B3GALNT2: variants seen among roughly 807,000 people sequenced by gnomAD.
B3GALNT2 encodes beta-1,3-N-acetylgalactosaminyltransferase 2.
Under a neutral mutation model 61.1 loss-of-function variants are expected in B3GALNT2, and 53 were observed. That is an observed-to-expected ratio of 0.87 (90% CI 0.70 to 1.09). The LOEUF is 1.09. Among genes scored for constraint, B3GALNT2 ranks in the 50% least tolerant of loss-of-function variants. B3GALNT2 has a pLI of 0.00. For synonymous variants in B3GALNT2, 223 were observed against 237.4 expected (o/e 0.94, Z 0.56); for missense variants, 544 against 623.0 (o/e 0.87, Z 1.35).
chr1:235,483,846 A>C (rs1684669468), intron 4 of B3GALNT2, among the ~76,000 whole-genome samples: 3 of 152,210 alleles, frequency 2.0e-5, no homozygotes, highest in Admixed American at 1.3e-4. Flanking sequence ...ATTTCCCTAC[A>C]TATCGGGAAT....
At chr1:235,488,629 AGCCAGTG>A (rs1684913728) in intron 3 of B3GALNT2, among the ~76,000 whole-genome samples, 1 of 33,140 alleles carries the variant, frequency 3.0e-5, no homozygotes, top group African/African-American at 1.7e-4. Context: ...GGTTGCAGTG[AGCCAGTG>A]AGCTGAGATA....
chr1:235,480,683 T>A (rs1373126031), intron 4 of B3GALNT2, among the ~76,000 whole-genome samples: 1 of 151,930 alleles, frequency 6.6e-6, no homozygotes, highest in Non-Finnish European at 1.5e-5. Flanking sequence ...GGCAGGCAGA[T>A]CACTTGAGGT....
At chr1:235,482,562 G>A (rs1254228588) in intron 4 of B3GALNT2, among the ~76,000 whole-genome samples, 4 of 151,496 alleles carry the variant, frequency 2.6e-5, no homozygotes, top group Middle Eastern at 3.4e-3. Flanking sequence ...CTGCAAGTGA[G>A]ACAATGTTTA....
intron 3 of B3GALNT2, among the ~76,000 whole-genome samples, chr1:235,488,149 T>C (rs1684892146): frequency 6.6e-6 from 1 of 152,194 alleles, no homozygotes; most frequent in African/African-American, 2.4e-5. Context: ...TTTACAGAAA[T>C]AAATTAGACA....
intron 10 of B3GALNT2, among the ~76,000 whole-genome samples, chr1:235,453,701 C>T (rs758343823): frequency 6.6e-6 from 1 of 152,094 alleles, no homozygotes; most frequent in East Asian, 1.9e-4. Flanking sequence ...CCTGCCTTGG[C>T]GTCCGAAAGT....
Position 235,504,172 on chromosome 1 carries a change from C to A in B3GALNT2, c.81G>T (p.Pro27=), listed in dbSNP as rs766891631. 307 of 1,297,592 alleles carry A rather than the reference C, an allele frequency of 2.4e-4. No homozygotes were observed. The highest frequency in any genetic ancestry group is 2.8e-4 in the Non-Finnish European group (285 of 1,028,572). The allele number at this position is 1,297,592 out of a possible 1,614,324, so 80.4% of individuals were successfully genotyped here. A position where few individuals can be genotyped will look rare whatever the true frequency, so the allele number is the denominator to read the frequency against. ...GGCCGGCCCCGGAGGCGCAGGCGGG[C>A]GGCGGGGAGCGCAGCCGCAGCCAGA... ...LHLWLRLRSP[P]PACASGAGPA... is the part of the protein sequence containing the mutation. The change falls in exon 1 of 12, where the codon CCG becomes CCT. Residue 27 remains proline, a synonymous_variant. Coordinates refer to ENST00000366600, the MANE Select transcript of B3GALNT2 (RefSeq NM_152490.5).
At chr1:235,456,335 A>T (rs763183723) in intron 8 of B3GALNT2, among the ~76,000 whole-genome samples, 3 of 152,240 alleles carry the variant, frequency 2.0e-5, no homozygotes, top group Admixed American at 1.3e-4. Flanking sequence ...TCACATTGAC[A>T]GTCCCTGTAC....
At chr1:235,493,772 T>C (rs1685186994) in intron 2 of B3GALNT2, among the ~76,000 whole-genome samples, 1 of 149,456 alleles carries the variant, frequency 6.7e-6, no homozygotes, top group South Asian at 2.1e-4. Flanking sequence ...CAAAACTCCA[T>C]CTCAAAAAAA....
intron 1 of B3GALNT2, chr1:235,496,426 T>TTGTC: frequency 1.6e-6 from 1 of 618,876 alleles, no homozygotes; most frequent in Non-Finnish European, 2.1e-6. Flanking sequence ...TTTAAATAAA[T>TTGTC]TCAAATTTTC....
At chr1:235,446,647 T>G (rs1416769051), downstream of B3GALNT2, among the ~76,000 whole-genome samples, 1 of 151,524 alleles carries the variant, frequency 6.6e-6, no homozygotes, top group African/African-American at 2.4e-5. Flanking sequence ...TGCTATTTAT[T>G]ACATAGAGAT....
intron 1 of B3GALNT2, among the ~76,000 whole-genome samples, chr1:235,497,952 C>CATGT (rs1685403564): frequency 6.6e-6 from 1 of 152,164 alleles, no homozygotes; most frequent in Non-Finnish European, 1.5e-5. Context: ...GCTTCTAATC[C>CATGT]ATGTCTAAGC....
downstream of B3GALNT2, among the ~76,000 whole-genome samples, chr1:235,443,133 T>G (rs1682010352): frequency 6.6e-6 from 1 of 151,754 alleles, no homozygotes; most frequent in African/African-American, 2.4e-5. Context: ...CTGAAAGCAG[T>G]TCTGTTAAAA....
In B3GALNT2 at chr1:235,474,066, T is replaced by A. The variant is rs568375433; in HGVS notation, c.652-3106A>T. 8.5e-5 allele frequency among the ~76,000 whole-genome samples: 13 copies of A among 152,356 alleles called. No homozygotes were observed. The South Asian group carries it at 2.7e-3, about 32-fold the overall frequency. On this transcript the variant is annotated intron_variant, in intron 5 of 11. Transcript: ENST00000366600. ...CATGGAACTTAAATAACCCATCAGC[T>A]GTTTTGTTACTAAGCAAGGAAGAAG...
intron 1 of B3GALNT2, among the ~76,000 whole-genome samples, chr1:235,501,313 G>T (rs1685571479): frequency 6.6e-6 from 1 of 152,042 alleles, no homozygotes. Context: ...CTGGTTTAAG[G>T]GAACCTATCA....
At chr1:235,469,541 C>A (rs1422818392) in intron 6 of B3GALNT2, among the ~76,000 whole-genome samples, 1 of 151,988 alleles carries the variant, frequency 6.6e-6, no homozygotes, top group East Asian at 1.9e-4. Flanking sequence ...AGTACTCAAT[C>A]TTATTTTCTA....
At chr1:235,463,334 T>G (rs1248598464) in intron 7 of B3GALNT2, 1 of 152,004 alleles carries the variant, frequency 6.6e-6, no homozygotes, top group East Asian at 1.9e-4. Context: ...AAGAACTTAT[T>G]CATGTAATCA....
intron 5 of B3GALNT2, chr1:235,479,232 G>C (rs952565403): frequency 6.6e-6 from 1 of 152,146 alleles, no homozygotes; most frequent in Non-Finnish European, 1.5e-5. Context: ...CACCAGGGCC[G>C]GTCAGTTGTC....
intron 3 of B3GALNT2, among the ~76,000 whole-genome samples, chr1:235,487,084 C>T (rs1434566665): frequency 3.3e-5 from 5 of 151,184 alleles, no homozygotes; most frequent in African/African-American, 1.2e-4. Context: ...TCGCTTGAAC[C>T]TGGGAGGTGG....
In B3GALNT2 at chr1:235,484,426, C is replaced by T; in HGVS notation, c.451G>A (p.Val151Ile). The change falls in exon 4 of 12, where the codon GTT becomes ATT. Residue 151 changes from valine (V) to isoleucine (I), a missense_variant. Physicochemically the swap from Val to Ile is conservative, Grantham distance 29. Transcript: ENST00000366600. ...CTGGTAATAACGATGGGGTAGAGAA[C>T]TCGGAAACTCACGCTGACAACTCGA... Reference protein sequence around the residue: ...EDRVVSVSFRVLYPIVITSLG... With the variant: ...EDRVVSVSFRILYPIVITSLG... 6.2e-7 allele frequency: 1 copy of T among 1,614,184 alleles called. No homozygotes were observed. Among genetic ancestry groups the T allele is most frequent in the Non-Finnish European group, 8.5e-7 (1 of 1,180,034 alleles).
Sources: gnomAD v4.1 joint callset for allele counts (sites outside exome capture counted in the v4.1 genomes callset) on GRCh38, gnomAD v4.1.1 for gene constraint, MANE v1.5 for transcripts, NCBI Gene and HGNC (gene_info 2026-07-23, HGNC 2026-07-21) for gene names.